The following TAPBPL variants were observed in gnomAD, a reference collection of about 807,000 sequenced individuals.
The protein encoded by TAPBPL is TAP binding protein like.
In TAPBPL, 32 loss-of-function variants were observed where a neutral mutation model predicts 44.8. The ratio of observed to expected loss-of-function variants is 0.71; its 90% CI spans 0.54 to 0.96. The LOEUF (loss-of-function observed/expected upper bound fraction) is 0.96, where lower values mean the gene tolerates loss of function less well. Among genes scored for constraint, TAPBPL ranks in the 40% least tolerant of loss-of-function variants. The pLI is 0.00. For missense variants in TAPBPL, 520 were observed against 586.6 expected, an observed-to-expected ratio of 0.89 and a Z score of 1.17; for synonymous variants, 230 against 240.7, an observed-to-expected ratio of 0.96 and a Z score of 0.41.
chr12:6,463,165 G>C, downstream of TAPBPL: 7 of 1,443,740 alleles, frequency 4.8e-6, no homozygotes, highest in South Asian at 8.7e-5. The surrounding 1 kb of genome is among the most constrained non-coding windows in gnomAD (Gnocchi z 4.0). Context: ...ACCATGCAAA[G>C]AGGAGGAAGA....
downstream of TAPBPL, chr12:6,467,269 T>A (rs537735116): frequency 2.9e-4 from 45 of 155,954 alleles, no homozygotes; most frequent in Non-Finnish European, 4.9e-4. Context: ...AGGGAGAGGA[T>A]GGAACAGTTT....
chr12:6,465,220 A>G (rs1949973641), downstream of TAPBPL: 1 of 484,768 alleles, frequency 2.1e-6, no homozygotes, highest in Non-Finnish European at 3.9e-6. Context: ...AGGCATTCCA[A>G]TAGAGATACA....
At position 6,452,615 on chromosome 12, in the gene TAPBPL, C is replaced by A. The variant is rs745601412; in HGVS notation, c.64+303C>A. The A allele has an allele frequency of 3.8e-6, 5 of 1,313,300 alleles. No homozygotes were observed. The South Asian group carries it at 7.0e-5, about 19-fold the overall frequency. 81.4% of individuals were successfully genotyped at this position (1,313,300 alleles called of 1,614,324 possible). A position where few individuals can be genotyped will look rare whatever the true frequency, so the allele number is the denominator to read the frequency against. The stretch of plus-strand genomic sequence containing the variant: ...GACACTTCAGAAGAGGAAAGGACTC[C>A]CCAGGTGAGGAAATCACTTGGAAGG... On this transcript the variant is annotated intron_variant, in intron 1 of 6. Transcript: ENST00000266556.
At chr12:6,462,985 G>A, downstream of TAPBPL, 2 of 1,551,190 alleles carry the variant, frequency 1.3e-6, no homozygotes, top group African/African-American at 1.4e-5. Flanking sequence ...CGTGGACCGA[G>A]GGAAGAAGGA....
At chr12:6,461,119 C>T (rs879334205) in intron 6 of TAPBPL, 181 bp downstream of exon 6, 5 of 1,420,240 alleles carry the variant, frequency 3.5e-6, no homozygotes, top group Admixed American at 2.8e-5. Context: ...CTCGTTTTCT[C>T]CTAGCTACCT....
chr12:6,465,737 G>GT (rs1950006535), downstream of TAPBPL: 2 of 1,442,512 alleles, frequency 1.4e-6, no homozygotes, highest in African/African-American at 2.8e-5. Context: ...GCTGGTCAGA[G>GT]AGATCCTGCA....
Position 6,462,047 on chromosome 12 carries a change from T to G in TAPBPL, c.1305T>G (p.Leu435=), listed in dbSNP as rs773776530. Residue 435 remains leucine (L), a synonymous_variant, in exon 7 of 7, where the codon CTT becomes CTG. Transcript: ENST00000266556. The stretch of plus-strand genomic sequence containing the variant: ...TCCTCTTACCAGCACCTACAGGACT[T>G]GGGCTGCTTCAGGCTGAACGCTGGG... ...GLQRRQAPTG[L]GLLQAERWET... 1 of 1,613,402 alleles carries G rather than the reference T, an allele frequency of 6.2e-7. No individual in the cohort carries two copies. Among genetic ancestry groups the G allele is most frequent in the South Asian group, 1.1e-5 (1 of 91,048 alleles).
At chr12:6,471,830 A>G in the TAPBPL span, among the ~76,000 whole-genome samples, 5 of 152,196 alleles carry the variant, frequency 3.3e-5, no homozygotes, top group African/African-American at 1.2e-4. This position sits in a 1 kb window ranked among gnomAD's most constrained non-coding sequence, Gnocchi z 4.0. Context: ...CTGTTTCAAA[A>G]AAAAAAAGAA....
At chr12:6,470,695 C>G, downstream of TAPBPL, 1 of 874,202 alleles carries the variant, frequency 1.1e-6, no homozygotes, top group Non-Finnish European at 1.8e-6. Context: ...CCGCGCCGGC[C>G]TCCGCCTTTA....
chr12:6,456,610 C>T (rs559787279), intron 3 of TAPBPL, among the ~76,000 whole-genome samples: 16 of 151,972 alleles, frequency 1.1e-4, no homozygotes, highest in African/African-American at 3.1e-4. Context: ...GTGATCCACC[C>T]GCCTGGGCTT....
intron 1 of TAPBPL, chr12:6,452,599 G>A (rs1380629826): frequency 3.0e-6 from 4 of 1,335,736 alleles, no homozygotes; most frequent in East Asian, 6.3e-5. Flanking sequence ...TGACACTTCA[G>A]AAGAGGAAAG....
downstream of TAPBPL, chr12:6,470,603 C>A: frequency 1.3e-6 from 2 of 1,597,482 alleles, no homozygotes; most frequent in East Asian, 2.2e-5. Flanking sequence ...AGGGACGCTG[C>A]GGCTGAAGTG....
chr12:6,452,235 C>G lies in TAPBPL; in HGVS notation c.-14C>G. 1.3e-6 allele frequency: 2 copies of G among 1,567,556 alleles called. No homozygotes were observed. The highest frequency in any genetic ancestry group is 1.9e-4 in the Middle Eastern group (1 of 5,180). ...AAGGGCGGTGGGCAAGGAGGGAACT[C>G]GAGAGCAGCCTCCATGGGCACACAG... On this transcript the variant is annotated 5_prime_UTR_variant, in exon 1 of 7. Transcript: ENST00000266556.
At chr12:6,452,347 A>T (rs1250354878) in intron 1 of TAPBPL, 35 bp downstream of exon 1, 1 of 1,558,644 alleles carries the variant, frequency 6.4e-7, no homozygotes, top group African/African-American at 1.3e-5. Context: ...TGGCTGGGAG[A>T]AGAGCTACTG....
Position 6,455,600 on chromosome 12 carries a change from T to C in TAPBPL, c.566-1806T>C, listed in dbSNP as rs143372277. ...CTGCCTAGTATGCCACAGATCTTCA[T>C]ACTTTTAGATATTTTTTAATTGATA... is the stretch of plus-strand genomic sequence containing the variant. On this transcript the variant is annotated intron_variant, in intron 3 of 6. Transcript: ENST00000266556. 7.6e-3 allele frequency among the ~76,000 whole-genome samples: 1,153 copies of C among 152,206 alleles called. 7 individuals carry two copies. The highest frequency in any genetic ancestry group is 0.027 in the African/African-American group (1,103 of 41,500).
chr12:6,464,864 C>A (rs777762832), downstream of TAPBPL: 8 of 1,613,964 alleles, frequency 5.0e-6, no homozygotes, highest in Middle Eastern at 1.6e-4. Flanking sequence ...CCTCTTCACC[C>A]CACCAGCAAC....
downstream of TAPBPL, chr12:6,464,368 G>C: frequency 6.4e-7 from 1 of 1,552,090 alleles, no homozygotes. Context: ...GCCTGGGCTG[G>C]AATGGAGGAC....
downstream of TAPBPL, chr12:6,463,662 G>A (rs1949935685): frequency 9.2e-7 from 1 of 1,085,266 alleles, no homozygotes; most frequent in Non-Finnish European, 1.1e-6. This position sits in a 1 kb window ranked among gnomAD's most constrained non-coding sequence, Gnocchi z 4.0. Context: ...TAAATTATTT[G>A]GCTAGATAAA....
chr12:6,466,739 G>A (rs144896470), downstream of TAPBPL: 111 of 183,118 alleles, frequency 6.1e-4, 2 homozygotes, highest in East Asian at 0.018. Flanking sequence ...CTCATCTGGG[G>A]CTATCCTTTG....
Sources: allele counts gnomAD v4.1 joint callset (sites outside exome capture counted in the v4.1 genomes callset), GRCh38; gene constraint gnomAD v4.1.1; non-coding constraint Gnocchi (gnomAD v3.1); transcripts MANE v1.5; gene names NCBI Gene and HGNC (gene_info 2026-07-23, HGNC 2026-07-21).